MGAM: variants seen among roughly 807,000 people sequenced by gnomAD.
The protein encoded by MGAM is alpha-1,4-glucosidase.
MGAM carries 253 observed loss-of-function variants against 358.8 expected under a neutral mutation model. The observed-to-expected ratio is 0.71, with a 90% CI of 0.64 to 0.78. The LOEUF (loss-of-function observed/expected upper bound fraction) is 0.78, where lower values mean the gene tolerates loss of function less well. Ranked by LOEUF, MGAM falls within the 30% of genes least tolerant of loss-of-function variation. MGAM has a pLI of 0.00. For synonymous variants in MGAM, 1,105 were observed against 1,227.1 expected (o/e 0.90, Z 2.08); for missense variants, 3,080 against 3,432.6 (o/e 0.90, Z 2.57).
Position 142,074,143 on chromosome 7 carries a change from G to A in MGAM, c.5245G>A (p.Glu1749Lys). 1.3e-6 allele frequency: 2 copies of A among 1,544,516 alleles called. 1 individual carries two copies. Among genetic ancestry groups the A allele is most frequent in the Non-Finnish European group, 1.8e-6 (2 of 1,126,856 alleles). The change falls in exon 45 of 71, where the codon GAA (glutamate) becomes AAA (lysine). Residue 1749 changes from glutamate (E) to lysine (K), a missense_variant. Coordinates refer to ENST00000475668, the MANE Select transcript of MGAM (RefSeq NM_001365693.1). The part of the protein sequence containing the change: ...ALDENKEAKG[E>K]LFWDDGQTKD... ...AGATGAAAACAAAGAAGCAAAAGGA[G>A]AACTTTTCTGGGATGATGGGCAAAC...
In MGAM at chr7:142,106,024, T is replaced by A; in HGVS notation, c.*133T>A. 2.7e-6 allele frequency: 2 copies of A among 748,134 alleles called. No individual in the cohort carries two copies. The highest frequency in any genetic ancestry group is 5.7e-5 in the East Asian group (2 of 35,398). 46.3% of individuals were successfully genotyped at this position (748,134 alleles called of 1,614,324 possible). ...TGAAATATTTCTGTTAATTTTGTTATATGTTTTTTGTGTGAACCCTAAAGG... is the reference window on the plus strand; with the variant it reads ...TGAAATATTTCTGTTAATTTTGTTAAATGTTTTTTGTGTGAACCCTAAAGG... On this transcript the variant is annotated 3_prime_UTR_variant, in exon 71 of 71. Transcript: ENST00000475668.
chr7:142,065,958 G>GTTTTTTTTTTTTTTTTT lies in MGAM; in HGVS notation c.4770+131_4770+132insTTTTTTTTTTTTTTTTT, dbSNP rs1477940566. On this transcript the variant is annotated intron_variant, in intron 40 of 70. Transcript: ENST00000475668. ...AAAAAAAGGTGTTTTTTTTTGTTTT[G>GTTTTTTTTTTTTTTTTT]TTTTGTTTTGTTTTTTTTTTTGAAA... 5.4e-6 allele frequency: 4 copies of GTTTTTTTTTTTTTTTTT among 743,378 alleles called. No homozygotes were observed. The African/African-American group carries it at 8.6e-5, about 16-fold the overall frequency. The allele number at this position is 743,378 out of a possible 1,614,324, so 46.0% of individuals were successfully genotyped here.
At chr7:142,076,968 T>G in intron 47 of MGAM, 142 bp downstream of exon 47, 1 of 969,044 alleles carries the variant, frequency 1.0e-6, no homozygotes, top group Non-Finnish European at 1.5e-6. Context: ...GCACCTTTGA[T>G]GCCTTTTTTG....
Position 142,030,491 on chromosome 7 carries a change from G to A in MGAM, c.1351G>A (p.Val451Met). Reference protein sequence around the residue: ...HNNGQKLVIIVDPAISNNSSS... With the variant: ...HNNGQKLVIIMDPAISNNSSS... ...TAATGGACAGAAGCTTGTCATCATT[G>A]TGGTATGTACTGCCCTCTTTCCACC... The change falls in exon 11 of 71, where the codon GTG becomes ATG. Residue 451 changes from valine to methionine, a missense_variant and splice_region_variant. Val to Met is a conservative substitution (Grantham distance 21). This residue lies in a region of MGAM where 1,816 missense variants were observed against 1,840.5 expected (regional missense o/e 0.99). Transcript: ENST00000475668. The A allele has an allele frequency of 6.2e-7, 1 of 1,613,604 alleles. No homozygotes were observed.
At chr7:142,067,996 T>A (rs1812991221) in intron 42 of MGAM, among the ~76,000 whole-genome samples, 1 of 45,562 alleles carries the variant, frequency 2.2e-5, no homozygotes, top group African/African-American at 5.3e-5. Context: ...ATTTTTTTTT[T>A]TTTTTTTTTG....
chr7:142,088,809 CCTATCTATGTACCATCTATCTAT>C (rs1377433625), intron 57 of MGAM, among the ~76,000 whole-genome samples: 2 of 119,868 alleles, frequency 1.7e-5, no homozygotes, highest in Non-Finnish European at 3.7e-5. Context: ...ATCATTCTAT[CCTATCTATGTACCATCTATCTAT>C]CTATCTATCT....
chr7:142,094,398 G>T lies in MGAM; in HGVS notation c.7207G>T (p.Val2403Phe). ...GGAGGTGACAGGACAGCGAGGGGTC[G>T]TCATCACCCGCTCCACATTTCCCTC... ...VQEVTGQRGV[V>F]ITRSTFPSSG... Residue 2403 changes from valine (V) to phenylalanine (F), a missense_variant, in exon 61 of 71, where the codon GTC becomes TTC. Physicochemically the swap from Val to Phe is conservative, Grantham distance 50. This residue lies in a region of MGAM where 932 missense variants were observed against 1,198.2 expected (regional missense o/e 0.78). Coordinates refer to ENST00000475668, the MANE Select transcript of MGAM (RefSeq NM_001365693.1). 1.3e-6 allele frequency: 2 copies of T among 1,532,100 alleles called. 1 individual carries two copies. The highest frequency in any genetic ancestry group is 1.8e-6 in the Non-Finnish European group (2 of 1,120,732). The allele number at this position is 1,532,100 out of a possible 1,614,324, so 94.9% of individuals were successfully genotyped here. A position where few individuals can be genotyped will look rare whatever the true frequency, so the allele number is the denominator to read the frequency against.
chr7:142,025,073 G>T lies in MGAM; in HGVS notation c.906G>T (p.Ala302=). Residue 302 remains alanine (A), a synonymous_variant, in exon 8 of 71, where the codon GCG becomes GCT. Transcript: ENST00000475668. ...AGAACGGAACTAATTTGTATGGTGC[G>T]CAGACATTCTTCTTGTGCCTTGAAG... The part of the protein sequence containing the change: ...PNGNGTNLYG[A]QTFFLCLEDA... The T allele has an allele frequency of 1.9e-6, 3 of 1,613,566 alleles. No individual in the cohort carries two copies. Among genetic ancestry groups the T allele is most frequent in the Non-Finnish European group, 2.5e-6 (3 of 1,179,566 alleles).
intron 14 of MGAM, among the ~76,000 whole-genome samples, chr7:142,033,577 G>T (rs1584952075): frequency 6.6e-6 from 1 of 152,152 alleles, no homozygotes; most frequent in Admixed American, 6.5e-5. Flanking sequence ...GGGCAGGAAG[G>T]TTAGAATCAA....
intron 3 of MGAM, among the ~76,000 whole-genome samples, chr7:142,010,406 A>G (rs782818368): frequency 2.0e-5 from 3 of 152,046 alleles, no homozygotes; most frequent in Non-Finnish European, 2.9e-5. Flanking sequence ...TAGTTCTATT[A>G]AGCTTCTAGT....
intron 30 of MGAM, among the ~76,000 whole-genome samples, chr7:142,057,690 C>T (rs1271675310): frequency 6.6e-6 from 1 of 151,824 alleles, no homozygotes; most frequent in Non-Finnish European, 1.5e-5. Flanking sequence ...CCATGGTGGT[C>T]GTGGCAGCAA....
rs536999315 is a variant in MGAM at position 142,090,180 on chromosome 7, T to A, written c.6811-1733T>A. Among the ~76,000 whole-genome samples the A allele has an allele frequency of 3.2e-4, 47 of 145,966 alleles. 4 individuals carry two copies. The South Asian group carries it at 9.7e-3, about 30-fold the overall frequency. ...GACTTGAATATGCACAGGTGTAAGG[T>A]AGAGCCAGCACGTTGGAGAACGGCA... On this transcript the variant is annotated intron_variant, in intron 57 of 70. Coordinates refer to ENST00000475668, the MANE Select transcript of MGAM (RefSeq NM_001365693.1).
rs782295291 is a variant in MGAM, at chr7:142,022,386, G to T, written c.829G>T (p.Asp277Tyr). 1.2e-6 allele frequency: 2 copies of T among 1,613,726 alleles called. No homozygotes were observed. Among genetic ancestry groups the T allele is most frequent in the South Asian group, 1.1e-5 (1 of 91,074 alleles). The change falls in exon 7 of 71, where the codon GAT becomes TAT. Residue 277 changes from aspartate to tyrosine, a missense_variant. Coordinates refer to ENST00000475668, the MANE Select transcript of MGAM (RefSeq NM_001365693.1). ...GEHVHQQYRH[D>Y]MNWKTWPIFN... ...GCATGTGCACCAGCAGTATCGGCAT[G>T]ATATGAATTGGAAGACCTGGCCCAT...
rs761573383 is a variant in MGAM, at chr7:142,052,820, G to A, written c.2995G>A (p.Val999Ile). 12 of 1,612,228 alleles carry A rather than the reference G, an allele frequency of 7.4e-6. No individual in the cohort carries two copies. The South Asian group carries it at 1.2e-4, about 16-fold the overall frequency. The stretch of plus-strand genomic sequence containing the variant: ...TTCTGGAGTCCCTTTTTGCTATTTT[G>A]TCAACGACCTATACTCTGTCAGTGA... ...NSSGVPFCYF[V>I]NDLYSVSDVQ... The change falls in exon 26 of 71, where the codon GTC becomes ATC. Residue 999 changes from valine (V) to isoleucine (I), a missense_variant. Transcript: ENST00000475668.
Position 142,086,151 on chromosome 7 carries a change from CCTTCATTCTGTTTCT to C in MGAM, c.6637-55_6637-41del, listed in dbSNP as rs1814732160. On this transcript the variant is annotated intron_variant, in intron 55 of 70. Coordinates refer to ENST00000475668, the MANE Select transcript of MGAM (RefSeq NM_001365693.1). ...AACAAGTTCGCCCTGGAGGAGTTCT[CCTTCATTCTGTTTCT>C]CTTCATTCTGTGGCTTTGATTTTTC... The C allele has an allele frequency of 2.1e-6, 3 of 1,447,036 alleles. 1 individual carries two copies. The highest frequency in any genetic ancestry group is 2.8e-6 in the Non-Finnish European group (3 of 1,057,518). 89.6% of individuals were successfully genotyped at this position (1,447,036 alleles called of 1,614,324 possible).
chr7:142,093,049 T>C (rs1405134475), intron 59 of MGAM, among the ~76,000 whole-genome samples: 1 of 146,540 alleles, frequency 6.8e-6, no homozygotes, highest in Admixed American at 6.9e-5. Flanking sequence ...TTTTCACAGA[T>C]TATGCGATAT....
chr7:142,001,920 G>A (rs1381012176), intron 1 of MGAM, among the ~76,000 whole-genome samples: 1 of 152,094 alleles, frequency 6.6e-6, no homozygotes, highest in Non-Finnish European at 1.5e-5. Context: ...ACAATAAGAA[G>A]GTGGCAATAG....
chr7:142,081,929 G>A lies in MGAM; in HGVS notation c.6003-113G>A, dbSNP rs545537633. 3.5e-4 allele frequency: 391 copies of A among 1,119,712 alleles called. 49 individuals carry two copies. Among genetic ancestry groups the A allele is most frequent in the Middle Eastern group, 1.8e-3 (7 of 3,958 alleles). 69.4% of individuals were successfully genotyped at this position (1,119,712 alleles called of 1,614,324 possible). Reference sequence around the variant, plus strand: ...AATTGAGTTTCAGTTTTGTTTGGGAGATGAACAGCTTCTGGGTAGGAATCA... The same window carrying A: ...AATTGAGTTTCAGTTTTGTTTGGGAAATGAACAGCTTCTGGGTAGGAATCA... On this transcript the variant is annotated intron_variant, in intron 50 of 70. Coordinates refer to ENST00000475668, the MANE Select transcript of MGAM (RefSeq NM_001365693.1).
rs551158064 is a variant in MGAM at position 142,083,323 on chromosome 7, T to C, written c.6291T>C (p.Pro2097=). The change falls in exon 53 of 71, where the codon CCT becomes CCC. Residue 2097 remains proline, a synonymous_variant. Transcript: ENST00000475668. ...NAMDVTFQPL[P]ALTYRTTGGV... ...CAGATGTGACGTTCCAGCCCCTGCC[T>C]GCCTTGACATACCGTACCACAGGGG... is the stretch of plus-strand genomic sequence containing the variant. 5.8e-6 allele frequency: 9 copies of C among 1,553,410 alleles called. No homozygotes were observed. The African/African-American group carries it at 9.4e-5, about 16-fold the overall frequency.
Sources: allele counts gnomAD v4.1 joint callset (sites outside exome capture counted in the v4.1 genomes callset), GRCh38; gene constraint gnomAD v4.1.1; regional missense constraint gnomAD v4.1.1; transcripts MANE v1.5; gene names NCBI Gene and HGNC (gene_info 2026-07-23, HGNC 2026-07-21).